HDAC4: variants seen among roughly 807,000 people sequenced by gnomAD.
The protein encoded by HDAC4 is histone deacetylase 4, also known as histone deacetylase A.
Under a neutral mutation model 135.1 loss-of-function variants are expected in HDAC4, and 16 were observed. That is an observed-to-expected ratio of 0.12 (90% CI 0.08 to 0.18). The LOEUF is 0.18. HDAC4 is among the 10% of genes least tolerant of loss of function. The pLI is 1.00. For synonymous variants in HDAC4, 685 were observed against 653.4 expected, an observed-to-expected ratio of 1.05 and a Z score of -0.74; for missense variants, 1,143 against 1,511.8, an observed-to-expected ratio of 0.76 and a Z score of 4.05.
chr2:239,380,201 A>G (rs1278992533), intron 1 of HDAC4, among the ~76,000 whole-genome samples: 1 of 152,228 alleles, frequency 6.6e-6, no homozygotes, highest in Non-Finnish European at 1.5e-5. Flanking sequence ...ATAAGAAGAA[A>G]TCCCACTGCG....
rs1191047507 is a variant in HDAC4 at position 239,075,454 on chromosome 2, G to C, written c.2750+5641C>G. Reference sequence around the variant, plus strand: ...GTCAGCTCAAGAGGCAGGAGAAATGGGTGGAAAGAGGGGATCTTTAGAGAA... The same window carrying C: ...GTCAGCTCAAGAGGCAGGAGAAATGCGTGGAAAGAGGGGATCTTTAGAGAA... On this transcript the variant is annotated intron_variant, in intron 22 of 26. Transcript: ENST00000543185. 2.6e-5 allele frequency among the ~76,000 whole-genome samples: 4 copies of C among 152,122 alleles called. No homozygotes were observed. The South Asian group carries it at 8.3e-4, about 31-fold the overall frequency.
At position 239,352,984 on chromosome 2, in the gene HDAC4, A is replaced by C; in HGVS notation, c.-219-66T>G. ...TGGAAGTTCCGATCTGGAAAACAACATCCAACTAGGGAAATGATGACTTCC... is the reference window on the plus strand; with the variant it reads ...TGGAAGTTCCGATCTGGAAAACAACCTCCAACTAGGGAAATGATGACTTCC... On this transcript the variant is annotated intron_variant, in intron 1 of 26. Coordinates refer to ENST00000543185, the MANE Select transcript of HDAC4 (RefSeq NM_001378414.1). This position sits in a 1 kb window ranked among gnomAD's most constrained non-coding sequence, Gnocchi z 4.4. 2 of 459,828 alleles carry C rather than the reference A, an allele frequency of 4.3e-6. No individual in the cohort carries two copies. The highest frequency in any genetic ancestry group is 8.0e-6 in the Non-Finnish European group (2 of 250,894). 28.5% of individuals were successfully genotyped at this position (459,828 alleles called of 1,614,324 possible).
chr2:239,306,179 TG>T lies in HDAC4; in HGVS notation c.22+46498del, dbSNP rs970322378. Among the ~76,000 whole-genome samples, 100 of 152,340 alleles carry T rather than the reference TG, an allele frequency of 6.6e-4. 1 individual carries two copies. The highest frequency in any genetic ancestry group is 2.3e-3 in the African/African-American group (94 of 41,578). On this transcript the variant is annotated intron_variant, in intron 2 of 26. Coordinates refer to ENST00000543185, the MANE Select transcript of HDAC4 (RefSeq NM_001378414.1). The surrounding 1 kb of genome is among the most constrained non-coding windows in gnomAD (Gnocchi z 4.5). ...GTTTGGAGGCACCCCAGCTCTTCCC[TG>T]GGAAGTCATTTTCCTGAATAGATCT... is the stretch of plus-strand genomic sequence containing the variant.
intron 8 of HDAC4, among the ~76,000 whole-genome samples, chr2:239,140,037 C>T (rs534143146): frequency 1.9e-4 from 29 of 152,276 alleles, no homozygotes; most frequent in Non-Finnish European, 3.7e-4. Context: ...AATTTTATAC[C>T]TCGTTTGATT....
intron 22 of HDAC4, among the ~76,000 whole-genome samples, chr2:239,075,179 G>A (rs59100736): frequency 0.017 from 2,273 of 130,848 alleles, 48 homozygotes; most frequent in African/African-American, 0.063. Context: ...AGCCGAGATC[G>A]CGCCACTGCA....
chr2:239,374,040 C>T (rs1442456680), intron 1 of HDAC4, among the ~76,000 whole-genome samples: 3 of 152,092 alleles, frequency 2.0e-5, no homozygotes, highest in Non-Finnish European at 4.4e-5. Context: ...AAACTGAGCC[C>T]GGAAGACACA....
intron 11 of HDAC4, among the ~76,000 whole-genome samples, chr2:239,133,719 G>A (rs1054938136): frequency 3.9e-5 from 6 of 152,060 alleles, no homozygotes; most frequent in Non-Finnish European, 5.9e-5. Flanking sequence ...CGCCTGCCTC[G>A]GCCTCCCAAA....
chr2:239,213,442 G>A (rs1446886194), intron 3 of HDAC4, among the ~76,000 whole-genome samples: 1 of 152,186 alleles, frequency 6.6e-6, no homozygotes, highest in Non-Finnish European at 1.5e-5. Context: ...CTGGAGGATT[G>A]AGCTCTCCAC....
chr2:239,208,637 A>G (rs560585417), intron 3 of HDAC4, among the ~76,000 whole-genome samples: 1 of 152,302 alleles, frequency 6.6e-6, no homozygotes, highest in South Asian at 2.1e-4. Flanking sequence ...CCAAGGCTAC[A>G]GATACTGAGC....
intron 2 of HDAC4, among the ~76,000 whole-genome samples, chr2:239,339,760 C>T (rs1408403235): frequency 1.3e-5 from 2 of 152,158 alleles, no homozygotes; most frequent in African/African-American, 2.4e-5. Context: ...CCACCAAATC[C>T]ACTCATAACA....
At chr2:239,397,497 G>A (rs1213916421) in intron 1 of HDAC4, among the ~76,000 whole-genome samples, 3 of 152,148 alleles carry the variant, frequency 2.0e-5, no homozygotes, top group African/African-American at 4.8e-5. Flanking sequence ...GCAGGACCCC[G>A]ACCTTCCTTC....
chr2:239,389,225 T>C (rs1696033698), intron 1 of HDAC4, among the ~76,000 whole-genome samples: 1 of 152,122 alleles, frequency 6.6e-6, no homozygotes, highest in Admixed American at 6.5e-5. Flanking sequence ...AACGGAATAA[T>C]AGCTGGCCAC....
chr2:239,124,244 A>G (rs539481095), intron 12 of HDAC4, among the ~76,000 whole-genome samples: 55 of 152,204 alleles, frequency 3.6e-4, no homozygotes, highest in African/African-American at 1.3e-3. Context: ...CACCATATCT[A>G]ATTTTGGAAT....
chr2:239,132,510 A>G (rs4572614), intron 11 of HDAC4, among the ~76,000 whole-genome samples: 37,848 of 152,150 alleles, frequency 0.25, 5,893 homozygotes, highest in African/African-American at 0.44. Flanking sequence ...AAGCTGGGCA[A>G]CCATGCATGG....
rs1383238554 is a variant in HDAC4, at chr2:239,134,593, A to C, written c.1029T>G (p.Leu343=). The change falls in exon 10 of 27, where the codon CTT becomes CTG. Residue 343 remains leucine, a synonymous_variant. Transcript: ENST00000543185. ...GCAAGGATGGCGATGTGTAGAGGGG[A>C]AGTGGAGCGGCCGAGCCTTCTCGTG... The part of the protein sequence containing the change: ...LVAREGSAAP[L]PLYTSPSLPN... 2 of 1,613,948 alleles carry C rather than the reference A, an allele frequency of 1.2e-6. No individual in the cohort carries two copies. The highest frequency in any genetic ancestry group is 2.7e-5 in the African/African-American group (2 of 74,896).
chr2:239,094,861 G>T (rs151075086), intron 17 of HDAC4, 149 bp downstream of exon 17: 4 of 1,573,076 alleles, frequency 2.5e-6, no homozygotes, highest in Non-Finnish European at 3.5e-6. Flanking sequence ...CGGCTCACAC[G>T]GCCTTTGAAG....
At chr2:239,256,640 T>A (rs1371537981) in intron 2 of HDAC4, among the ~76,000 whole-genome samples, 1 of 152,248 alleles carries the variant, frequency 6.6e-6, no homozygotes. Flanking sequence ...GGGCATACCC[T>A]TGTCTGTTTT....
intron 2 of HDAC4, among the ~76,000 whole-genome samples, chr2:239,342,443 C>T (rs1389906286): frequency 6.6e-6 from 1 of 152,090 alleles, no homozygotes; most frequent in Non-Finnish European, 1.5e-5. Context: ...ACCAACTTGT[C>T]CTAATTCTTT....
chr2:239,301,779 C>A (rs2052286177), intron 2 of HDAC4, among the ~76,000 whole-genome samples: 1 of 152,092 alleles, frequency 6.6e-6, no homozygotes, highest in African/African-American at 2.4e-5. Flanking sequence ...CCACTGTAGG[C>A]CTATTTCTTT....
Sources: gnomAD v4.1 joint callset for allele counts (sites outside exome capture counted in the v4.1 genomes callset) on GRCh38, gnomAD v4.1.1 for gene constraint, Gnocchi (gnomAD v3.1) non-coding constraint, MANE v1.5 for transcripts, NCBI Gene and HGNC (gene_info 2026-07-23, HGNC 2026-07-21) for gene names.